Variants in XKR6 observed in about 807,000 individuals in gnomAD.
XKR6 encodes the protein XK-related protein 6.
Under a neutral mutation model 56.7 loss-of-function variants are expected in XKR6, and 22 were observed. The observed-to-expected ratio is 0.39, with a 90% CI of 0.28 to 0.55. The LOEUF (loss-of-function observed/expected upper bound fraction) is 0.55. Ranked by LOEUF, XKR6 falls within the 20% of genes least tolerant of loss-of-function variation. XKR6 has a pLI of 0.66. For synonymous variants in XKR6, 524 were observed against 387.8 expected (o/e 1.35, Z -4.13); for missense variants, 852 against 889.0 (o/e 0.96, Z 0.53).
intron 1 of XKR6, among the ~76,000 whole-genome samples, chr8:11,145,560 T>C (rs1800938518): frequency 6.6e-6 from 1 of 152,160 alleles, no homozygotes; most frequent in Non-Finnish European, 1.5e-5. Context: ...TCAACTGTAT[T>C]TCTATAAAAA....
At chr8:11,087,988 G>A (rs990426588) in intron 1 of XKR6, among the ~76,000 whole-genome samples, 2 of 152,208 alleles carry the variant, frequency 1.3e-5, no homozygotes, top group African/African-American at 4.8e-5. Context: ...CTGATTTGTT[G>A]AAAACATAAA....
intron 1 of XKR6, among the ~76,000 whole-genome samples, chr8:11,116,481 C>G (rs1297863765): frequency 2.0e-5 from 3 of 152,164 alleles, no homozygotes; most frequent in Admixed American, 6.5e-5. Context: ...AGCGATTCTC[C>G]TGCCTTAGCC....
At chr8:11,149,794 A>G (rs1270702413) in intron 1 of XKR6, among the ~76,000 whole-genome samples, 1 of 152,236 alleles carries the variant, frequency 6.6e-6, no homozygotes, top group African/African-American at 2.4e-5. Context: ...GAAATCTCAC[A>G]GACTATTCAC....
chr8:11,138,287 C>T (rs1046270099), intron 1 of XKR6: 1 of 152,786 alleles, frequency 6.5e-6, no homozygotes, highest in Non-Finnish European at 1.5e-5. Context: ...CCATCTTCTC[C>T]CATTAGTATG....
chr8:11,024,097 C>T (rs1182993202), intron 1 of XKR6, among the ~76,000 whole-genome samples: 3 of 152,108 alleles, frequency 2.0e-5, no homozygotes, highest in African/African-American at 7.2e-5. Context: ...TTTCCAATTT[C>T]CATTATTTGC....
intron 1 of XKR6, among the ~76,000 whole-genome samples, chr8:11,177,610 C>A (rs1241653864): frequency 1.3e-5 from 2 of 152,146 alleles, no homozygotes; most frequent in African/African-American, 2.4e-5. Flanking sequence ...TGACCGGTTT[C>A]CTTATAAGGA....
intron 1 of XKR6, among the ~76,000 whole-genome samples, chr8:10,962,718 C>T (rs1291199865): frequency 2.0e-5 from 3 of 152,008 alleles, no homozygotes; most frequent in African/African-American, 7.3e-5. Context: ...CTCTGTCTCC[C>T]GGGTTCAAGC....
chr8:10,949,590 C>T lies in XKR6; in HGVS notation c.765-24760G>A, dbSNP rs116794760. Among the ~76,000 whole-genome samples, 1,187 of 152,336 alleles carry T rather than the reference C, an allele frequency of 7.8e-3. 16 individuals carry two copies. The highest frequency in any genetic ancestry group is 0.027 in the African/African-American group (1,134 of 41,576). On this transcript the variant is annotated intron_variant, in intron 1 of 2. Transcript: ENST00000416569. Reference sequence around the variant, plus strand: ...CACGGAGCCAGACACTCGAGGCTAGCGGGGTACACCGTTAGTGCCCTAACA... The same window carrying T: ...CACGGAGCCAGACACTCGAGGCTAGTGGGGTACACCGTTAGTGCCCTAACA...
At chr8:11,154,766 T>C (rs1055111092) in intron 1 of XKR6, among the ~76,000 whole-genome samples, 1 of 152,238 alleles carries the variant, frequency 6.6e-6, no homozygotes, top group Non-Finnish European at 1.5e-5. Flanking sequence ...TCTCTGCCTA[T>C]AAACAGGGTC....
intron 1 of XKR6, among the ~76,000 whole-genome samples, chr8:11,072,919 G>A (rs1037159894): frequency 6.6e-6 from 1 of 152,120 alleles, no homozygotes; most frequent in Non-Finnish European, 1.5e-5. Context: ...GCGTGGTGGC[G>A]GGTGCCTGTA....
intron 2 of XKR6, among the ~76,000 whole-genome samples, chr8:10,918,313 C>A (rs1245143457): frequency 6.6e-6 from 1 of 152,204 alleles, no homozygotes; most frequent in African/African-American, 2.4e-5. Context: ...ACCTAAGAGG[C>A]TCTGGAAGAC....
chr8:11,172,195 A>ACC (rs1802411464), intron 1 of XKR6, among the ~76,000 whole-genome samples: 1 of 151,592 alleles, frequency 6.6e-6, no homozygotes, highest in East Asian at 2.0e-4. Context: ...CATGGCGAAC[A>ACC]CCCATCTCTA....
chr8:11,174,527 G>C (rs1802558134), intron 1 of XKR6, among the ~76,000 whole-genome samples: 11 of 152,136 alleles, frequency 7.2e-5, no homozygotes. Context: ...AAGGCTAGTA[G>C]TTACTCAAAC....
chr8:10,924,061 T>C (rs1006774841), intron 2 of XKR6, among the ~76,000 whole-genome samples: 6 of 152,170 alleles, frequency 3.9e-5, no homozygotes, highest in African/African-American at 1.4e-4. Context: ...ATGACATCCC[T>C]TCAAATGTCA....
intron 1 of XKR6, among the ~76,000 whole-genome samples, chr8:11,158,052 G>C (rs907752893): frequency 2.0e-5 from 3 of 152,146 alleles, no homozygotes; most frequent in African/African-American, 7.2e-5. Flanking sequence ...ATTTCTTGAT[G>C]ATGAAGCTTC....
intron 1 of XKR6, among the ~76,000 whole-genome samples, chr8:10,991,321 T>C (rs191194414): frequency 1.3e-5 from 2 of 152,292 alleles, no homozygotes; most frequent in Non-Finnish European, 2.9e-5. Flanking sequence ...CAATCCACTG[T>C]GACTCAGCCC....
intron 1 of XKR6, among the ~76,000 whole-genome samples, chr8:11,094,603 T>C (rs1268985594): frequency 6.6e-6 from 1 of 152,116 alleles, no homozygotes; most frequent in African/African-American, 2.4e-5. Context: ...AATACCCCAC[T>C]TCAAATCATC....
intron 1 of XKR6, among the ~76,000 whole-genome samples, chr8:11,161,198 G>T (rs1424028268): frequency 1.3e-5 from 2 of 152,092 alleles, no homozygotes; most frequent in African/African-American, 4.8e-5. Context: ...GGAATTCAAG[G>T]AACCAACACA....
At chr8:11,029,077 AG>A in intron 1 of XKR6, among the ~76,000 whole-genome samples, 1 of 152,246 alleles carries the variant, frequency 6.6e-6, no homozygotes, top group East Asian at 1.9e-4. Context: ...ATGCTGGCTG[AG>A]TCCTCAGCGA....
Sources: allele counts gnomAD v4.1 joint callset (sites outside exome capture counted in the v4.1 genomes callset), GRCh38; gene constraint gnomAD v4.1.1; transcripts MANE v1.5; gene names NCBI Gene and HGNC (gene_info 2026-07-23, HGNC 2026-07-21).